The following CLEC2D variants were observed in gnomAD, a reference collection of about 807,000 sequenced individuals.
The protein encoded by CLEC2D is C-type lectin domain family 2 member D.
Under a neutral mutation model 20.0 loss-of-function variants are expected in CLEC2D, and 16 were observed. The observed-to-expected ratio is 0.80, with a 90% CI of 0.54 to 1.22. The LOEUF (loss-of-function observed/expected upper bound fraction) is 1.22. Among genes scored for constraint, CLEC2D ranks in the 50% most tolerant of loss-of-function variants. The probability of loss-of-function intolerance (pLI) is 0.00; values close to 1 mark genes in which losing one functional copy is unlikely to be tolerated. For synonymous variants in CLEC2D, 77 were observed against 71.1 expected, an observed-to-expected ratio of 1.08 and a Z score of -0.42; for missense variants, 207 against 221.5, an observed-to-expected ratio of 0.93 and a Z score of 0.42.
intron 2 of CLEC2D, among the ~76,000 whole-genome samples, chr12:9,683,321 T>A (rs1591695575): frequency 6.1e-5 from 2 of 32,624 alleles, no homozygotes; most frequent in East Asian, 1.8e-3. Context: ...GATGATAGTT[T>A]GTTTTTTGTG....
Position 9,695,496 on chromosome 12 carries a change from A to T in CLEC2D, c.*622A>T. On this transcript the variant is annotated 3_prime_UTR_variant, in exon 5 of 5. Coordinates refer to ENST00000290855, the MANE Select transcript of CLEC2D (RefSeq NM_013269.6). ...CACTTTAAGGTGGATAATGATGAAA[A>T]TGAGACCAGTTATCTTTAAGAACGG... The T allele has an allele frequency of 7.9e-7, 1 of 1,266,146 alleles. No individual in the cohort carries two copies. The highest frequency in any genetic ancestry group is 1.1e-6 in the Non-Finnish European group (1 of 879,360). The allele number at this position is 1,266,146 out of a possible 1,614,324, so 78.4% of individuals were successfully genotyped here. A position where few individuals can be genotyped will look rare whatever the true frequency, so the allele number is the denominator to read the frequency against.
chr12:9,682,515 C>T (rs761286389), intron 2 of CLEC2D, among the ~76,000 whole-genome samples: 24 of 152,112 alleles, frequency 1.6e-4, no homozygotes, highest in Non-Finnish European at 3.2e-4. Context: ...CTATCCCTCC[C>T]GTTGCCCCCC....
rs1260052410 is a variant in CLEC2D, at chr12:9,698,619, C to T, written c.*3745C>T. On this transcript the variant is annotated 3_prime_UTR_variant, in exon 5 of 5. Transcript: ENST00000290855. ...GGGCAATAATTTTTGGATTTGACCT[C>T]AAAAGTAGATGCAACCACAGTGAAA... 9.9e-5 allele frequency: 15 copies of T among 151,932 alleles called. No individual in the cohort carries two copies. Among genetic ancestry groups the T allele is most frequent in the Non-Finnish European group, 2.1e-4 (14 of 68,002 alleles). The allele number at this position is 151,932 out of a possible 1,614,324, so 9.4% of individuals were successfully genotyped here.
rs1865970475 is a variant in CLEC2D, at chr12:9,695,746, G to A, written c.*872G>A. On this transcript the variant is annotated 3_prime_UTR_variant, in exon 5 of 5. Coordinates refer to ENST00000290855, the MANE Select transcript of CLEC2D (RefSeq NM_013269.6). Reference sequence around the variant, plus strand: ...ACAGCACTTAGTAGCTGTGAAGGAAGGTGCAGAGTCAGAAGATGAAGAAGA... The same window carrying A: ...ACAGCACTTAGTAGCTGTGAAGGAAAGTGCAGAGTCAGAAGATGAAGAAGA... The A allele has an allele frequency of 7.0e-7, 1 of 1,425,466 alleles. No homozygotes were observed. The highest frequency in any genetic ancestry group is 2.3e-5 in the East Asian group (1 of 43,962). The allele number at this position is 1,425,466 out of a possible 1,614,324, so 88.3% of individuals were successfully genotyped here.
At chr12:9,694,670 T>C (rs1865938542) in intron 4 of CLEC2D, 90 bp from the exon 5 acceptor site, 3 of 752,980 alleles carry the variant, frequency 4.0e-6, no homozygotes, top group Non-Finnish European at 7.2e-6. Flanking sequence ...GAGGCTGAAT[T>C]AATGTTAGTT....
At chr12:9,683,178 AT>A (rs1377887099) in intron 2 of CLEC2D, among the ~76,000 whole-genome samples, 3 of 152,036 alleles carry the variant, frequency 2.0e-5, no homozygotes, top group South Asian at 2.1e-4. Flanking sequence ...TCTTTTGCCC[AT>A]TTTTTGATAG....
chr12:9,674,102 C>T (rs1258945824), intron 1 of CLEC2D: 3 of 152,314 alleles, frequency 2.0e-5, no homozygotes, highest in Non-Finnish European at 4.4e-5. Flanking sequence ...CTGGATGGTT[C>T]TCGTGCCTCA....
intron 1 of CLEC2D, among the ~76,000 whole-genome samples, chr12:9,671,812 C>T (rs545080517): frequency 2.2e-4 from 34 of 152,150 alleles, no homozygotes; most frequent in Non-Finnish European, 3.7e-4. Context: ...TTTAAATTCA[C>T]CACTGGTTTG....
At chr12:9,676,198 G>C (rs1002444757) in intron 1 of CLEC2D, among the ~76,000 whole-genome samples, 1 of 152,112 alleles carries the variant, frequency 6.6e-6, no homozygotes, top group East Asian at 1.9e-4. Flanking sequence ...AAGTATTGGC[G>C]AGAGGGACAT....
chr12:9,675,191 C>CTT (rs56363104), intron 1 of CLEC2D, among the ~76,000 whole-genome samples: 36 of 130,198 alleles, frequency 2.8e-4, no homozygotes, highest in East Asian at 4.6e-4. Flanking sequence ...TTGTCTATTC[C>CTT]TTTTTTTTTT....
chr12:9,679,883 A>C (rs1291389404), intron 1 of CLEC2D, among the ~76,000 whole-genome samples: 1 of 152,230 alleles, frequency 6.6e-6, no homozygotes, highest in Non-Finnish European at 1.5e-5. Flanking sequence ...GAACTTCATA[A>C]GAGGTTTTAG....
At chr12:9,669,973 C>G (rs945618407) in intron 1 of CLEC2D, among the ~76,000 whole-genome samples, 178 bp downstream of exon 1, 6 of 151,844 alleles carry the variant, frequency 4.0e-5, no homozygotes, top group Non-Finnish European at 7.4e-5. Context: ...ATTTATATTC[C>G]CAGTTCTAAC....
chr12:9,678,254 G>C (rs1865564813), intron 1 of CLEC2D, among the ~76,000 whole-genome samples: 1 of 152,044 alleles, frequency 6.6e-6, no homozygotes, highest in African/African-American at 2.4e-5. Context: ...TCCTTGCTTT[G>C]AGGTTTGTTC....
intron 2 of CLEC2D, among the ~76,000 whole-genome samples, chr12:9,683,734 A>G (rs769106833): frequency 6.6e-6 from 1 of 152,050 alleles, no homozygotes; most frequent in Non-Finnish European, 1.5e-5. Context: ...TGGTCAATAT[A>G]TCTGTTTTGG....
intron 2 of CLEC2D, among the ~76,000 whole-genome samples, chr12:9,684,146 G>A (rs962295226): frequency 6.6e-6 from 1 of 152,232 alleles, no homozygotes; most frequent in African/African-American, 2.4e-5. Context: ...AATTGTGAAT[G>A]GGAGTTCACT....
intron 4 of CLEC2D, 56 bp downstream of exon 4, chr12:9,692,987 T>C: frequency 1.9e-6 from 3 of 1,597,238 alleles, no homozygotes; most frequent in Non-Finnish European, 2.6e-6. Flanking sequence ...TTGCATTAAA[T>C]CTGAAGTGTT....
chr12:9,692,718 T>C (rs1865894070), intron 3 of CLEC2D, 110 bp from the exon 4 acceptor site: 3 of 672,712 alleles, frequency 4.5e-6, no homozygotes, highest in Non-Finnish European at 7.6e-6. Flanking sequence ...CAATACAAAA[T>C]CAAAAGGAAG....
Position 9,694,816 on chromosome 12 carries a change from G to A in CLEC2D, c.518G>A (p.Ser173Asn), listed in dbSNP as rs773568596. The A allele has an allele frequency of 1.1e-5, 17 of 1,613,068 alleles. No individual in the cohort carries two copies. The South Asian group carries it at 1.9e-4, about 18-fold the overall frequency. ...CAYLNDKGASSARHYTERKWI... is the reference protein window; with the variant it reads ...CAYLNDKGASNARHYTERKWI... Reference sequence around the variant, plus strand: ...TATTTGAATGACAAAGGTGCCAGTAGTGCCAGGCACTACACAGAGAGGAAG... The same window carrying A: ...TATTTGAATGACAAAGGTGCCAGTAATGCCAGGCACTACACAGAGAGGAAG... Residue 173 changes from serine (S) to asparagine (N), a missense_variant, in exon 5 of 5, where the codon AGT becomes AAT. Ser to Asn is a conservative substitution (Grantham distance 46). Transcript: ENST00000290855.
chr12:9,675,483 C>G (rs762669849), intron 1 of CLEC2D, among the ~76,000 whole-genome samples: 2 of 152,178 alleles, frequency 1.3e-5, no homozygotes, highest in Non-Finnish European at 2.9e-5. Context: ...CGTGAGCCAC[C>G]GCGCCCAGCC....
Sources: allele counts gnomAD v4.1 joint callset (sites outside exome capture counted in the v4.1 genomes callset), GRCh38; gene constraint gnomAD v4.1.1; transcripts MANE v1.5; gene names NCBI Gene and HGNC (gene_info 2026-07-23, HGNC 2026-07-21).